IKBKB: variants seen among roughly 807,000 people sequenced by gnomAD.
IKBKB encodes the protein inhibitor of nuclear factor kappa B kinase subunit beta, also known as inhibitor of nuclear factor kappa-B kinase subunit beta.
A neutral mutation model predicts 113.6 loss-of-function variants in IKBKB; 42 were observed. The observed-to-expected ratio is 0.37, with a 90% CI of 0.29 to 0.48. The LOEUF is 0.48. Among genes scored for constraint, IKBKB ranks in the 20% least tolerant of loss-of-function variants. The pLI is 0.99. For synonymous variants in IKBKB, 296 were observed against 361.3 expected (o/e 0.82, Z 2.05); for missense variants, 673 against 939.7 (o/e 0.72, Z 3.71).
chr8:42,303,843 A>G (rs1190439989), intron 5 of IKBKB, among the ~76,000 whole-genome samples: 1 of 152,178 alleles, frequency 6.6e-6, no homozygotes, highest in Non-Finnish European at 1.5e-5. Flanking sequence ...ATTGATTTAT[A>G]AGAGCTTTTT....
At chr8:42,321,130 C>T in intron 16 of IKBKB, 1 of 286,648 alleles carries the variant, frequency 3.5e-6, no homozygotes, top group Non-Finnish European at 6.5e-6. Flanking sequence ...CAGCCTCTAC[C>T]CCTGTAGCAG....
rs373423855 is a variant in IKBKB, at chr8:42,299,849, T to C, written c.389-5338T>C. 2.2e-4 allele frequency among the ~76,000 whole-genome samples: 34 copies of C among 152,344 alleles called. No homozygotes were observed. In the East Asian group the frequency reaches 3.3e-3, roughly 15 times the overall value. On this transcript the variant is annotated intron_variant, in intron 5 of 21. Transcript: ENST00000520810. ...TGGCCTGGGGTCACGGGGATTTTCCTGTGGGTCTTTCTGCTGATGTCACCT... is the reference window on the plus strand; with the variant it reads ...TGGCCTGGGGTCACGGGGATTTTCCCGTGGGTCTTTCTGCTGATGTCACCT...
At chr8:42,330,480 C>A in intron 21 of IKBKB, 1 of 183,518 alleles carries the variant, frequency 5.4e-6, no homozygotes, top group Non-Finnish European at 1.0e-5. Flanking sequence ...GCCACCATAC[C>A]CAGCCAATAA....
At chr8:42,279,157 C>T (rs796844744) in intron 2 of IKBKB, among the ~76,000 whole-genome samples, 15 of 152,346 alleles carry the variant, frequency 9.8e-5, no homozygotes, top group African/African-American at 3.6e-4. Flanking sequence ...CTTCCTTCCC[C>T]GTGGGTTCTC....
In IKBKB at chr8:42,326,087, G is replaced by A. The variant is rs200260868; in HGVS notation, c.2104G>A (p.Ala702Thr). Residue 702 changes from alanine to threonine, a missense_variant, in exon 20 of 22, where the codon GCC becomes ACC. Around this residue, in one of 2 missense-constraint regions of IKBKB, gnomAD observed 506 missense variants for 638.7 expected, o/e 0.79. Transcript: ENST00000520810. Reference protein sequence around the residue: ...STASNSLPEPAKKSEELVAEA... With the variant: ...STASNSLPEPTKKSEELVAEA... ...GGCCTCCAACAGCTTACCTGAGCCAGCCAAGAAGAGGTAGGTCCTCCTTAG... is the reference window on the plus strand; with the variant it reads ...GGCCTCCAACAGCTTACCTGAGCCAACCAAGAAGAGGTAGGTCCTCCTTAG... 21 of 1,614,104 alleles carry A rather than the reference G, an allele frequency of 1.3e-5. No homozygotes were observed. Among genetic ancestry groups the A allele is most frequent in the Non-Finnish European group, 1.7e-5 (20 of 1,180,044 alleles).
chr8:42,311,563 C>CA (rs56282608), intron 8 of IKBKB, among the ~76,000 whole-genome samples: 89,420 of 113,846 alleles, frequency 0.79, 35,970 homozygotes, highest in Non-Finnish European at 0.89. Flanking sequence ...TCCATCTTAC[C>CA]AAAAAAAAAA....
intron 21 of IKBKB, chr8:42,329,668 C>G: frequency 1.0e-6 from 1 of 985,360 alleles, no homozygotes; most frequent in African/African-American, 1.7e-5. Context: ...AGCCTGTCCC[C>G]ACCTGCACCA....
At chr8:42,286,539 T>C (rs1452594626) in intron 2 of IKBKB, among the ~76,000 whole-genome samples, 1 of 152,120 alleles carries the variant, frequency 6.6e-6, no homozygotes, top group Non-Finnish European at 1.5e-5. Flanking sequence ...TGCCCAGATC[T>C]CCTGCAACCT....
At chr8:42,312,052 A>G (rs184435838) in intron 8 of IKBKB, among the ~76,000 whole-genome samples, 3,126 of 152,060 alleles carry the variant, frequency 0.021, 110 homozygotes, top group African/African-American at 0.072. Flanking sequence ...ACGCCTGGCT[A>G]ATTTTTTGTA....
At position 42,306,435 on chromosome 8, in the gene IKBKB, A is replaced by G. The variant is rs747487964; in HGVS notation, c.567+3A>G. ...TCGTGGGGACCCTGCAGTACCTGGTAAGAAGTGGGCCTTGCCTGTTTGCCT... is the reference window on the plus strand; with the variant it reads ...TCGTGGGGACCCTGCAGTACCTGGTGAGAAGTGGGCCTTGCCTGTTTGCCT... On this transcript the variant is annotated splice_donor_region_variant and intron_variant, in intron 7 of 21. Coordinates refer to ENST00000520810, the MANE Select transcript of IKBKB (RefSeq NM_001556.3). 2 of 1,603,062 alleles carry G rather than the reference A, an allele frequency of 1.2e-6. No individual in the cohort carries two copies. Among genetic ancestry groups the G allele is most frequent in the South Asian group, 1.1e-5 (1 of 90,878 alleles).
At chr8:42,305,597 A>G (rs937910866) in intron 6 of IKBKB, among the ~76,000 whole-genome samples, 6 of 152,188 alleles carry the variant, frequency 3.9e-5, no homozygotes, top group African/African-American at 1.4e-4. Context: ...ATTTGCTTTA[A>G]GAGCCTCGCC....
At chr8:42,295,854 C>T (rs768464838) in intron 5 of IKBKB, among the ~76,000 whole-genome samples, 6 of 152,072 alleles carry the variant, frequency 3.9e-5, no homozygotes, top group Non-Finnish European at 7.4e-5. Context: ...TGGTCTGGGT[C>T]CACTTTGAAT....
intron 4 of IKBKB, among the ~76,000 whole-genome samples, chr8:42,292,449 T>A (rs961437763): frequency 4.6e-5 from 7 of 151,768 alleles, no homozygotes; most frequent in African/African-American, 1.7e-4. Flanking sequence ...CCCAGCGGGG[T>A]TGGGGGAGGA....
chr8:42,274,571 C>A (rs560592755), intron 2 of IKBKB, among the ~76,000 whole-genome samples: 1 of 145,568 alleles, frequency 6.9e-6, no homozygotes, highest in African/African-American at 2.5e-5. Context: ...TTGCTCTTGT[C>A]GCCCAGGCTG....
Position 42,309,035 on chromosome 8 carries a change from C to G in IKBKB, c.692+10C>G, listed in dbSNP as rs1585718237. The stretch of plus-strand genomic sequence containing the variant: ...GGCAGCCCGTGCAGTGGTGAGTGGG[C>G]CCGGGGCACCTGGATGGAGGAGGGA... On this transcript the variant is annotated intron_variant, in intron 8 of 21. Transcript: ENST00000520810. 6.2e-7 allele frequency: 1 copy of G among 1,611,602 alleles called. No homozygotes were observed. Among genetic ancestry groups the G allele is most frequent in the Non-Finnish European group, 8.5e-7 (1 of 1,178,666 alleles).
At chr8:42,317,509 C>A in intron 11 of IKBKB, 148 bp from the exon 12 acceptor site, 1 of 632,838 alleles carries the variant, frequency 1.6e-6, no homozygotes. Context: ...TGGCTGGAAA[C>A]GTTAAACACT....
Position 42,322,380 on chromosome 8 carries a change from A to G in IKBKB, c.1872A>G (p.Glu624=). Residue 624 remains glutamate (E), a synonymous_variant, in exon 19 of 22, where the codon GAA becomes GAG. Coordinates refer to ENST00000520810, the MANE Select transcript of IKBKB (RefSeq NM_001556.3). ...KTVVCKQKAL[E]LLPKVEEVVS... ...TGGTTTGCAAGCAGAAGGCGCTGGAACTGTTGCCCAAGGTGGAAGAGGTGG... is the reference window on the plus strand; with the variant it reads ...TGGTTTGCAAGCAGAAGGCGCTGGAGCTGTTGCCCAAGGTGGAAGAGGTGG... 1 of 1,613,898 alleles carries G rather than the reference A, an allele frequency of 6.2e-7. No homozygotes were observed. The highest frequency in any genetic ancestry group is 8.5e-7 in the Non-Finnish European group (1 of 1,180,004).
rs1319784068 is a variant in IKBKB at position 42,308,930 on chromosome 8, C to T, written c.597C>T (p.Tyr199=). 1 of 1,614,036 alleles carries T rather than the reference C, an allele frequency of 6.2e-7. No homozygotes were observed. Among genetic ancestry groups the T allele is most frequent in the African/African-American group, 1.3e-5 (1 of 74,936 alleles). ...CAGAGCTACTGGAGCAGCAGAAGTA[C>T]ACAGTGACCGTCGACTACTGGAGCT... ...LAPELLEQQK[Y]TVTVDYWSFG... The change falls in exon 8 of 22, where the codon TAC becomes TAT. Residue 199 remains tyrosine, a synonymous_variant. Coordinates refer to ENST00000520810, the MANE Select transcript of IKBKB (RefSeq NM_001556.3).
intron 2 of IKBKB, among the ~76,000 whole-genome samples, chr8:42,286,546 A>G (rs1034751766): frequency 6.6e-6 from 1 of 151,864 alleles, no homozygotes; most frequent in African/African-American, 2.4e-5. Context: ...ATCTCCTGCA[A>G]CCTCTGCCTC....
Sources: allele counts gnomAD v4.1 joint callset (sites outside exome capture counted in the v4.1 genomes callset), GRCh38; gene constraint gnomAD v4.1.1; regional missense constraint gnomAD v4.1.1; transcripts MANE v1.5; gene names NCBI Gene and HGNC (gene_info 2026-07-23, HGNC 2026-07-21).